Variants in PCDHA5 observed in about 807,000 individuals in gnomAD.
The protein encoded by PCDHA5 is protocadherin alpha-5.
In PCDHA5, 43 loss-of-function variants were observed where a neutral mutation model predicts 61.6. The observed-to-expected ratio is 0.70, with a 90% CI of 0.55 to 0.90. The LOEUF (loss-of-function observed/expected upper bound fraction) is 0.90, where lower values mean the gene tolerates loss of function less well. Ranked by LOEUF, PCDHA5 falls within the 40% of genes least tolerant of loss-of-function variation. The probability of loss-of-function intolerance (pLI) is 0.00; values close to 1 mark genes in which losing one functional copy is unlikely to be tolerated. For synonymous variants in PCDHA5, 627 were observed against 543.9 expected, an observed-to-expected ratio of 1.15 and a Z score of -2.13; for missense variants, 1,298 against 1,222.7, an observed-to-expected ratio of 1.06 and a Z score of -0.92.
chr5:140,878,627 T>C (rs2057676475), intron 1 of PCDHA5, among the ~76,000 whole-genome samples: 1 of 152,236 alleles, frequency 6.6e-6, no homozygotes, highest in Non-Finnish European at 1.5e-5. Flanking sequence ...TTACATATTT[T>C]AACTTTCTAT....
chr5:140,847,700 CAG>C (rs1424975763), intron 1 of PCDHA5: 1 of 149,786 alleles, frequency 6.7e-6, no homozygotes, highest in Non-Finnish European at 1.5e-5. Context: ...TTTCTGGAAA[CAG>C]ATTGTATAAA....
At chr5:140,842,540 T>A in intron 1 of PCDHA5, 1 of 1,610,630 alleles carries the variant, frequency 6.2e-7, no homozygotes. Context: ...TTACTACTCG[T>A]TGGTGCTGGA....
intron 1 of PCDHA5, among the ~76,000 whole-genome samples, chr5:140,978,200 C>T (rs2096792236): frequency 6.6e-6 from 1 of 152,220 alleles, no homozygotes. Context: ...TTTCAATACA[C>T]AACTAATGCA....
At chr5:140,941,262 T>TTTCTCTTTCC in intron 1 of PCDHA5, among the ~76,000 whole-genome samples, 1 of 138,798 alleles carries the variant, frequency 7.2e-6, no homozygotes, top group Non-Finnish European at 1.6e-5. Context: ...TTTCTCTTTC[T>TTTCTCTTTCC]TTCTTTCTTT....
chr5:140,882,705 G>T, intron 1 of PCDHA5: 1 of 1,614,172 alleles, frequency 6.2e-7, no homozygotes, highest in South Asian at 1.1e-5. Flanking sequence ...GCAGAATCTA[G>T]ACCTCCGGAA....
At chr5:140,938,849 T>C (rs961236945) in intron 1 of PCDHA5, among the ~76,000 whole-genome samples, 1 of 152,102 alleles carries the variant, frequency 6.6e-6, no homozygotes, top group Admixed American at 6.6e-5. Flanking sequence ...CCTGCCCATG[T>C]ACCCCTGAAC....
chr5:140,856,154 G>C lies in PCDHA5; in HGVS notation c.2352+32027G>C, dbSNP rs147800828. The stretch of plus-strand genomic sequence containing the variant: ...CGGCCAGCTCCACTACTCAGTCTAC[G>C]AGGAGGCCAGACACGGCACCTTCGT... On this transcript the variant is annotated intron_variant, in intron 1 of 3. Transcript: ENST00000529859. 5.9e-5 allele frequency: 95 copies of C among 1,598,194 alleles called. 6 individuals are homozygous for C. The highest frequency in any genetic ancestry group is 7.7e-5 in the Non-Finnish European group (90 of 1,167,888).
At chr5:140,990,552 C>G (rs1379026755) in intron 3 of PCDHA5, among the ~76,000 whole-genome samples, 5 of 152,130 alleles carry the variant, frequency 3.3e-5, no homozygotes, top group African/African-American at 1.2e-4. Flanking sequence ...CTGTATTACC[C>G]AAGAACACAC....
At chr5:141,004,303 T>C (rs2098161196) in intron 3 of PCDHA5, among the ~76,000 whole-genome samples, 2 of 152,178 alleles carry the variant, frequency 1.3e-5, no homozygotes, top group South Asian at 4.1e-4. Context: ...GATGTTTGTT[T>C]TATACAACAA....
intron 1 of PCDHA5, among the ~76,000 whole-genome samples, chr5:140,950,299 C>T (rs246045): frequency 0.56 from 85,681 of 151,798 alleles, 24,780 homozygotes; most frequent in African/African-American, 0.69. Context: ...AAAAACTTTA[C>T]TTAGCAGTTT....
chr5:140,857,445 A>G lies in PCDHA5; in HGVS notation c.2352+33318A>G, dbSNP rs144782261. The G allele has an allele frequency of 8.5e-5, 136 of 1,598,262 alleles. 10 individuals carry two copies. Among genetic ancestry groups the G allele is most frequent in the Non-Finnish European group, 1.1e-4 (128 of 1,167,832 alleles). ...GAGTACACGGTGTTCGTGAAGGAGA[A>G]CAACCCGCCAGGCTGCCACATCTTC... On this transcript the variant is annotated intron_variant, in intron 1 of 3. Transcript: ENST00000529859.
intron 1 of PCDHA5, among the ~76,000 whole-genome samples, chr5:140,890,477 C>T (rs1255992157): frequency 2.0e-5 from 3 of 151,926 alleles, no homozygotes; most frequent in African/African-American, 7.3e-5. Flanking sequence ...ATTTTTTGTG[C>T]GTTATTTTTG....
intron 1 of PCDHA5, chr5:140,929,002 T>C (rs1584608620): frequency 6.2e-7 from 1 of 1,614,048 alleles, no homozygotes; most frequent in Non-Finnish European, 8.5e-7. Flanking sequence ...TTTCTTCGTG[T>C]GTACCAAGTT....
chr5:140,890,259 T>C (rs1303485467), intron 1 of PCDHA5, among the ~76,000 whole-genome samples: 2 of 152,140 alleles, frequency 1.3e-5, no homozygotes, highest in Admixed American at 6.6e-5. Flanking sequence ...CTGCACCTGA[T>C]TGCAAGCAAG....
intron 1 of PCDHA5, chr5:140,854,175 A>AAAAG (rs386405127): frequency 4.4e-6 from 3 of 674,282 alleles, no homozygotes; most frequent in African/African-American, 2.0e-5. Flanking sequence ...AAAAAAAAAA[A>AAAAG]AGAGTAGTTT....
intron 1 of PCDHA5, among the ~76,000 whole-genome samples, chr5:140,946,711 T>C (rs1165441185): frequency 1.3e-5 from 2 of 150,618 alleles, no homozygotes; most frequent in African/African-American, 2.5e-5. Context: ...GAGGTCATTA[T>C]GTTTAGTTAA....
Position 140,877,092 on chromosome 5 carries a change from C to T in PCDHA5, c.2352+52965C>T, listed in dbSNP as rs200462899. On this transcript the variant is annotated intron_variant, in intron 1 of 3. Coordinates refer to ENST00000529859, the MANE Select transcript of PCDHA5 (RefSeq NM_018908.3). ...AGTTCCAGGTGAGCGCGCGCGACGCCGGCGTGCCGCCTCTGGGCAGCAACG... is the reference window on the plus strand; with the variant it reads ...AGTTCCAGGTGAGCGCGCGCGACGCTGGCGTGCCGCCTCTGGGCAGCAACG... The T allele has an allele frequency of 2.9e-3, 4,637 of 1,613,220 alleles. 21 individuals carry two copies. Among genetic ancestry groups the T allele is most frequent in the African/African-American group, 0.01 (785 of 75,014 alleles).
intron 3 of PCDHA5, among the ~76,000 whole-genome samples, chr5:140,996,976 G>A (rs573896136): frequency 2.6e-5 from 4 of 152,078 alleles, no homozygotes; most frequent in East Asian, 3.9e-4. Flanking sequence ...CTCCCCTTTG[G>A]TGAAGCAACC....
At chr5:140,868,930 G>A (rs966807738) in intron 1 of PCDHA5, 6 of 1,085,506 alleles carry the variant, frequency 5.5e-6, no homozygotes, top group East Asian at 5.1e-5. Context: ...TTCATTTAAA[G>A]GTTGGTCTGA....
Sources: allele counts gnomAD v4.1 joint callset (sites outside exome capture counted in the v4.1 genomes callset), GRCh38; gene constraint gnomAD v4.1.1; transcripts MANE v1.5; gene names NCBI Gene and HGNC (gene_info 2026-07-23, HGNC 2026-07-21).